Variants in SLC2A9 observed in about 807,000 individuals in gnomAD.
SLC2A9 encodes solute carrier family 2, facilitated glucose transporter member 9.
Under a neutral mutation model 50.6 loss-of-function variants are expected in SLC2A9, and 39 were observed. The observed-to-expected ratio is 0.77, with a 90% CI of 0.60 to 1.01. The LOEUF (loss-of-function observed/expected upper bound fraction) is 1.01, where lower values mean the gene tolerates loss of function less well. Among genes scored for constraint, SLC2A9 ranks in the 50% least tolerant of loss-of-function variants. The pLI is 0.00. For missense variants in SLC2A9, 686 were observed against 677.6 expected (o/e 1.01, Z -0.14); for synonymous variants, 324 against 276.9 (o/e 1.17, Z -1.69).
At chr4:9,963,696 G>A (rs996381351) in intron 5 of SLC2A9, among the ~76,000 whole-genome samples, 1 of 152,192 alleles carries the variant, frequency 6.6e-6, no homozygotes, top group Non-Finnish European at 1.5e-5. Flanking sequence ...TGTAGAAAAA[G>A]GAGGTTGGGA....
downstream of SLC2A9, among the ~76,000 whole-genome samples, chr4:9,778,085 C>T (rs1364692918): frequency 6.8e-6 from 1 of 146,394 alleles, no homozygotes; most frequent in African/African-American, 2.6e-5. Context: ...TCCTTCCTTC[C>T]TTCCTTCCTT....
At chr4:10,014,288 G>A (rs904340591) in intron 2 of SLC2A9, among the ~76,000 whole-genome samples, 6 of 152,288 alleles carry the variant, frequency 3.9e-5, no homozygotes, top group East Asian at 1.9e-4. Flanking sequence ...ATTTCGCAGC[G>A]ACCTCACAAG....
At chr4:9,966,616 C>T (rs896895894) in intron 5 of SLC2A9, among the ~76,000 whole-genome samples, 2 of 152,074 alleles carry the variant, frequency 1.3e-5, no homozygotes, top group South Asian at 2.1e-4. Context: ...TCGAGCCCTG[C>T]ACTCCAGCCT....
At chr4:9,802,448 G>A (rs1463311406) in intron 3 of SLC2A9, among the ~76,000 whole-genome samples, 3 of 152,026 alleles carry the variant, frequency 2.0e-5, no homozygotes, top group African/African-American at 7.2e-5. Flanking sequence ...GGGCTCTGTG[G>A]CCGATATGAT....
intron 3 of SLC2A9, among the ~76,000 whole-genome samples, chr4:9,789,009 A>G (rs1719568686): frequency 6.6e-6 from 1 of 152,208 alleles, no homozygotes; most frequent in Non-Finnish European, 1.5e-5. Context: ...GAGCTGGGAA[A>G]TGGATACATG....
At chr4:9,858,773 C>T (rs548410259) in intron 10 of SLC2A9, among the ~76,000 whole-genome samples, 6 of 152,186 alleles carry the variant, frequency 3.9e-5, no homozygotes, top group African/African-American at 1.4e-4. Context: ...TGGGTGTGTC[C>T]GTGAGGGTGT....
chr4:9,811,021 T>C (rs1560140776), intron 3 of SLC2A9, among the ~76,000 whole-genome samples: 1 of 152,258 alleles, frequency 6.6e-6, no homozygotes, highest in Non-Finnish European at 1.5e-5. Context: ...TAGGTGGCTC[T>C]GAAAGAGTTG....
At chr4:9,783,420 C>A in intron 3 of SLC2A9, 1 of 1,613,722 alleles carries the variant, frequency 6.2e-7, no homozygotes, top group East Asian at 2.2e-5. Flanking sequence ...GGGGAGATTT[C>A]TTTAGACAAA....
At chr4:10,019,200 A>G in intron 1 of SLC2A9, 127 bp from the exon 2 acceptor site, 1 of 764,036 alleles carries the variant, frequency 1.3e-6, no homozygotes, top group Non-Finnish European at 2.2e-6. Flanking sequence ...TGGCTGGGGT[A>G]GAGACAGAGA....
At position 10,020,537 on chromosome 4, in the gene SLC2A9, A is replaced by C. The variant is rs114847096; in HGVS notation, c.150+743T>G. Among the ~76,000 whole-genome samples, 1,278 of 152,328 alleles carry C rather than the reference A, an allele frequency of 8.4e-3. 9 individuals are homozygous for C. Among genetic ancestry groups the C allele is most frequent in the Middle Eastern group, 0.037 (11 of 294 alleles). On this transcript the variant is annotated intron_variant, in intron 1 of 11. Transcript: ENST00000264784. ...ATGTAGTACCAGAATATTTTTCTGC[A>C]GTGAGAGGAGCTTGAGCTGAATGGG...
intron 3 of SLC2A9, among the ~76,000 whole-genome samples, chr4:9,819,645 A>G (rs1037666847): frequency 2.0e-5 from 3 of 152,186 alleles, no homozygotes; most frequent in African/African-American, 4.8e-5. Flanking sequence ...TTTTAACAGT[A>G]TCTTTTGGCC....
At chr4:10,009,709 G>C (rs1191665690) in intron 2 of SLC2A9, 1 of 152,220 alleles carries the variant, frequency 6.6e-6, no homozygotes, top group South Asian at 2.1e-4. Context: ...GTGGCTGCCA[G>C]TGTTGTTTCA....
intron 5 of SLC2A9, among the ~76,000 whole-genome samples, chr4:9,970,025 CTT>C (rs1753638746): frequency 6.6e-6 from 1 of 152,166 alleles, no homozygotes; most frequent in Non-Finnish European, 1.5e-5. Flanking sequence ...ACCACAGACT[CTT>C]TGAAAGAAGT....
chr4:9,980,583 C>G lies in SLC2A9; in HGVS notation c.681+9G>C, dbSNP rs755334888. On this transcript the variant is annotated intron_variant, in intron 5 of 11. Transcript: ENST00000264784. ...GAGCAGATGCGGTTGACCAGGGAGC[C>G]ACACTCACCTTTCCCAGCAGCTCGG... 1 of 1,614,080 alleles carries G rather than the reference C, an allele frequency of 6.2e-7. No individual in the cohort carries two copies. The highest frequency in any genetic ancestry group is 8.5e-7 in the Non-Finnish European group (1 of 1,180,006).
At chr4:9,791,793 G>A (rs1333905866) in intron 3 of SLC2A9, among the ~76,000 whole-genome samples, 1 of 152,176 alleles carries the variant, frequency 6.6e-6, no homozygotes, top group Admixed American at 6.5e-5. Flanking sequence ...CTCCTTGATT[G>A]CAGCCTTTGG....
chr4:9,774,247 G>A (rs1240555948), intron 1 of SLC2A9, among the ~76,000 whole-genome samples: 1 of 152,040 alleles, frequency 6.6e-6, no homozygotes, highest in Non-Finnish European at 1.5e-5. Context: ...ACCCACCTCG[G>A]CCCCTAAAGT....
At chr4:9,956,973 G>A (rs1302406340) in intron 5 of SLC2A9, among the ~76,000 whole-genome samples, 1 of 152,044 alleles carries the variant, frequency 6.6e-6, no homozygotes, top group Non-Finnish European at 1.5e-5. Context: ...GCCTCTGTGG[G>A]GGCACTGAAG....
At chr4:9,939,252 GC>G (rs1315244264) in intron 6 of SLC2A9, among the ~76,000 whole-genome samples, 1 of 152,120 alleles carries the variant, frequency 6.6e-6, no homozygotes, top group African/African-American at 2.4e-5. Flanking sequence ...ACTTCAGCTG[GC>G]CCCAAGAAAG....
intron 3 of SLC2A9, among the ~76,000 whole-genome samples, chr4:9,807,147 G>A (rs1722232703): frequency 6.6e-6 from 1 of 152,106 alleles, no homozygotes; most frequent in Non-Finnish European, 1.5e-5. Context: ...TGGAAAAGAG[G>A]GGCTGACACT....
Sources: allele counts gnomAD v4.1 joint callset (sites outside exome capture counted in the v4.1 genomes callset), GRCh38; gene constraint gnomAD v4.1.1; transcripts MANE v1.5; gene names NCBI Gene and HGNC (gene_info 2026-07-23, HGNC 2026-07-21).